Variants in PNLIPRP3 observed in about 807,000 individuals in gnomAD.
PNLIPRP3 encodes pancreatic lipase related protein 3.
Under a neutral mutation model 52.8 loss-of-function variants are expected in PNLIPRP3, and 58 were observed. The observed-to-expected ratio is 1.10, with a 90% CI of 0.89 to 1.37. The LOEUF is 1.37. Among genes scored for constraint, PNLIPRP3 ranks in the 40% most tolerant of loss-of-function variants. The pLI, the probability that PNLIPRP3 is intolerant of heterozygous loss-of-function variation, is 0.00. For missense variants in PNLIPRP3, 593 were observed against 561.6 expected (o/e 1.06, Z -0.57); for synonymous variants, 192 against 185.0 (o/e 1.04, Z -0.31).
chr10:116,446,437 A>G (rs1254678893), intron 4 of PNLIPRP3, among the ~76,000 whole-genome samples: 15 of 151,910 alleles, frequency 9.9e-5, no homozygotes, highest in Non-Finnish European at 1.8e-4. Context: ...AGTTATTCAC[A>G]TATGTAAATG....
At chr10:116,465,615 G>A (rs142624598) in intron 7 of PNLIPRP3, among the ~76,000 whole-genome samples, 43 of 152,200 alleles carry the variant, frequency 2.8e-4, no homozygotes, top group Middle Eastern at 3.4e-3. Flanking sequence ...GAAAGACCAG[G>A]CAAACAGGAA....
rs1235754916 is a variant in PNLIPRP3 at position 116,431,426 on chromosome 10, G to T, written c.49+3365G>T. On this transcript the variant is annotated intron_variant, in intron 1 of 11. Coordinates refer to ENST00000369230, the MANE Select transcript of PNLIPRP3 (RefSeq NM_001011709.3). ...CCACCTACCCCTATTCAAACTCCTGGGGGCCAGATGCATTACAAATGTTAG... is the reference window on the plus strand; with the variant it reads ...CCACCTACCCCTATTCAAACTCCTGTGGGCCAGATGCATTACAAATGTTAG... Among the ~76,000 whole-genome samples the T allele has an allele frequency of 2.6e-5, 4 of 151,848 alleles. No individual in the cohort carries two copies. The East Asian group carries it at 7.8e-4, about 29-fold the overall frequency.
At chr10:116,440,367 A>G (rs1334470957) in intron 2 of PNLIPRP3, among the ~76,000 whole-genome samples, 1 of 152,176 alleles carries the variant, frequency 6.6e-6, no homozygotes. Flanking sequence ...ACTTCCCTAA[A>G]TAATGTTCTT....
intron 10 of PNLIPRP3, among the ~76,000 whole-genome samples, chr10:116,473,142 GT>G (rs1445599305): frequency 6.6e-6 from 1 of 152,250 alleles, no homozygotes; most frequent in Non-Finnish European, 1.5e-5. Context: ...CGAAGAAGCT[GT>G]TTGTAATGCT....
rs192897019 is a variant in PNLIPRP3, at chr10:116,454,648, C to T, written c.457-1074C>T. Among the ~76,000 whole-genome samples, 523 of 152,324 alleles carry T rather than the reference C, an allele frequency of 3.4e-3. 4 individuals carry two copies. The highest frequency in any genetic ancestry group is 0.024 in the Middle Eastern group (7 of 294). Reference sequence around the variant, plus strand: ...CGTAGTTTGACTTTTTAAAATTCCACATATTAAGTGAGGTCATGCAGTGTT... The same window carrying T: ...CGTAGTTTGACTTTTTAAAATTCCATATATTAAGTGAGGTCATGCAGTGTT... On this transcript the variant is annotated intron_variant, in intron 4 of 11. Coordinates refer to ENST00000369230, the MANE Select transcript of PNLIPRP3 (RefSeq NM_001011709.3).
At chr10:116,470,113 T>A (rs536752639) in intron 9 of PNLIPRP3, among the ~76,000 whole-genome samples, 1 of 152,304 alleles carries the variant, frequency 6.6e-6, no homozygotes, top group Non-Finnish European at 1.5e-5. Context: ...TGTCATTCTC[T>A]GAGCTTGACG....
At chr10:116,451,524 TG>T (rs35169428) in intron 4 of PNLIPRP3, among the ~76,000 whole-genome samples, 1 of 152,178 alleles carries the variant, frequency 6.6e-6, no homozygotes, top group African/African-American at 2.4e-5. Context: ...TTTGGAATCA[TG>T]GGGGTGGATC....
chr10:116,453,359 A>C (rs11197682), intron 4 of PNLIPRP3, among the ~76,000 whole-genome samples: 135,039 of 152,070 alleles, frequency 0.89, 60,891 homozygotes, highest in Non-Finnish European at 0.97. Flanking sequence ...TCAGATGAGA[A>C]CTTTGACTTT....
intron 10 of PNLIPRP3, among the ~76,000 whole-genome samples, chr10:116,473,746 C>T (rs576134678): frequency 6.6e-6 from 1 of 152,106 alleles, no homozygotes; most frequent in South Asian, 2.1e-4. Context: ...ATCTCGAACT[C>T]CTAGCCTCAA....
intron 4 of PNLIPRP3, among the ~76,000 whole-genome samples, chr10:116,445,104 A>G (rs192099497): frequency 9.2e-5 from 14 of 152,356 alleles, no homozygotes; most frequent in Non-Finnish European, 2.9e-5. Context: ...TAATCCTTTC[A>G]GATTTTTAAG....
At chr10:116,428,156 A>G in intron 1 of PNLIPRP3, 95 bp downstream of exon 1, 1 of 889,308 alleles carries the variant, frequency 1.1e-6, no homozygotes, top group Non-Finnish European at 1.8e-6. Context: ...AGAAATTACT[A>G]TTGCTAATTT....
intron 8 of PNLIPRP3, among the ~76,000 whole-genome samples, chr10:116,468,543 A>T (rs1168670806): frequency 6.6e-6 from 1 of 152,208 alleles, no homozygotes; most frequent in Non-Finnish European, 1.5e-5. Context: ...ATGTTAATGC[A>T]TAATAGCCAA....
chr10:116,439,989 G>T (rs938041901), intron 2 of PNLIPRP3: 7 of 786,610 alleles, frequency 8.9e-6, no homozygotes, highest in Admixed American at 8.5e-5. Context: ...ACGTCTGCAC[G>T]AAGAAGGCAT....
rs1845749188 is a variant in PNLIPRP3, at chr10:116,434,435, C to A, written c.50-2276C>A. Among the ~76,000 whole-genome samples, 3 of 152,288 alleles carry A rather than the reference C, an allele frequency of 2.0e-5. No individual in the cohort carries two copies. The South Asian group carries it at 6.2e-4, about 32-fold the overall frequency. ...GCCACTTAAGTTATTGACCCAATTTCAATGTATTAACTTTATAGCAAACAT... is the reference window on the plus strand; with the variant it reads ...GCCACTTAAGTTATTGACCCAATTTAAATGTATTAACTTTATAGCAAACAT... On this transcript the variant is annotated intron_variant, in intron 1 of 11. Coordinates refer to ENST00000369230, the MANE Select transcript of PNLIPRP3 (RefSeq NM_001011709.3).
chr10:116,446,499 G>GA (rs970123894), intron 4 of PNLIPRP3, among the ~76,000 whole-genome samples: 8 of 151,954 alleles, frequency 5.3e-5, no homozygotes, highest in Non-Finnish European at 1.2e-4. Flanking sequence ...ATAACTGGTG[G>GA]AAAAAAATGG....
chr10:116,442,014 T>C (rs1340772032), intron 2 of PNLIPRP3, among the ~76,000 whole-genome samples: 1 of 152,200 alleles, frequency 6.6e-6, no homozygotes, highest in Non-Finnish European at 1.5e-5. Context: ...TGCATTACTA[T>C]TAAACACAGG....
At position 116,464,804 on chromosome 10, in the gene PNLIPRP3, C is replaced by T. The variant is rs76000691; in HGVS notation, c.809-1246C>T. Among the ~76,000 whole-genome samples, 7 of 152,304 alleles carry T rather than the reference C, an allele frequency of 4.6e-5. No homozygotes were observed. In the East Asian group the frequency reaches 1.4e-3, roughly 29 times the overall value. ...TGTTTGTGTTACAGCTCATTTGTTC[C>T]CACCCTCTGCACAGTTCAGCGAATA... On this transcript the variant is annotated intron_variant, in intron 7 of 11. Transcript: ENST00000369230.
rs544250924 is a variant in PNLIPRP3 at position 116,457,390 on chromosome 10, A to G, written c.565+1560A>G. On this transcript the variant is annotated intron_variant, in intron 5 of 11. Transcript: ENST00000369230. ...CTCTCTCTCACACACACACACATAC[A>G]TGCACACTTTAAATTCAAATCTCAA... Among the ~76,000 whole-genome samples the G allele has an allele frequency of 2.6e-5, 4 of 152,302 alleles. No individual in the cohort carries two copies. The East Asian group carries it at 7.7e-4, about 29-fold the overall frequency.
chr10:116,453,034 C>T (rs1353147234), intron 4 of PNLIPRP3, among the ~76,000 whole-genome samples: 9 of 152,238 alleles, frequency 5.9e-5, no homozygotes, highest in Admixed American at 4.6e-4. Context: ...GCACTCAACT[C>T]CAACCCCAGA....
Sources: gnomAD v4.1 joint callset for allele counts (sites outside exome capture counted in the v4.1 genomes callset) on GRCh38, gnomAD v4.1.1 for gene constraint, MANE v1.5 for transcripts, NCBI Gene and HGNC (gene_info 2026-07-23, HGNC 2026-07-21) for gene names.